Variants in DAAM1 observed in about 807,000 individuals in gnomAD.
The protein encoded by DAAM1 is dishevelled associated activator of morphogenesis 1, also known as disheveled-associated activator of morphogenesis 1.
A neutral mutation model predicts 130.0 loss-of-function variants in DAAM1; 52 were observed. That is an observed-to-expected ratio of 0.40 (90% CI 0.32 to 0.50). The LOEUF (loss-of-function observed/expected upper bound fraction) is 0.50. Ranked by LOEUF, DAAM1 falls within the 20% of genes least tolerant of loss-of-function variation. DAAM1 has a pLI of 0.61. For missense variants in DAAM1, 1,134 were observed against 1,303.8 expected, an observed-to-expected ratio of 0.87 and a Z score of 2.01; for synonymous variants, 452 against 444.5, an observed-to-expected ratio of 1.02 and a Z score of -0.21.
intron 4 of DAAM1, among the ~76,000 whole-genome samples, chr14:59,317,811 C>G (rs904889302): frequency 6.6e-6 from 1 of 152,162 alleles, no homozygotes; most frequent in Admixed American, 6.5e-5. Context: ...CCAAAGACTC[C>G]TTTCCAATTT....
In DAAM1 at chr14:59,366,824, G is replaced by A. The variant is rs73299927; in HGVS notation, c.2827-605G>A. On this transcript the variant is annotated intron_variant, in intron 23 of 24. Coordinates refer to ENST00000360909, the MANE Select transcript of DAAM1 (RefSeq NM_001270520.2). ...AGCTACTCGTGAGGCTTAAGAGGAAGGATTGCCCAGGAGTTTTTGGCTGTA... is the reference window on the plus strand; with the variant it reads ...AGCTACTCGTGAGGCTTAAGAGGAAAGATTGCCCAGGAGTTTTTGGCTGTA... Among the ~76,000 whole-genome samples the A allele has an allele frequency of 8.0e-3, 1,217 of 152,126 alleles. 13 individuals carry two copies. The highest frequency in any genetic ancestry group is 0.028 in the African/African-American group (1,173 of 41,494).
At chr14:59,358,987 C>A (rs1429062601) in intron 20 of DAAM1, among the ~76,000 whole-genome samples, 1 of 152,132 alleles carries the variant, frequency 6.6e-6, no homozygotes, top group Non-Finnish European at 1.5e-5. Flanking sequence ...TAGTTATAAA[C>A]CTGCAGGGCA....
intron 15 of DAAM1, chr14:59,338,281 A>C: frequency 8.7e-7 from 1 of 1,150,034 alleles, no homozygotes; most frequent in Non-Finnish European, 1.3e-6. Context: ...CTTACCCTAC[A>C]TCACTTGTTT....
rs566999344 is a variant in DAAM1, at chr14:59,343,244, T to C, written c.2075+3064T>C. Among the ~76,000 whole-genome samples the C allele has an allele frequency of 2.6e-5, 4 of 152,194 alleles. No individual in the cohort carries two copies. In the South Asian group the frequency reaches 8.3e-4, roughly 32 times the overall value. On this transcript the variant is annotated intron_variant, in intron 16 of 24. Coordinates refer to ENST00000360909, the MANE Select transcript of DAAM1 (RefSeq NM_001270520.2). ...GTGTTTGTTTAATAAGGTTTTTTAGTTTGGTCTTTTGGTTTCGCAGGACAG... is the reference window on the plus strand; with the variant it reads ...GTGTTTGTTTAATAAGGTTTTTTAGCTTGGTCTTTTGGTTTCGCAGGACAG...
chr14:59,196,795 G>GT (rs961814968), intron 1 of DAAM1, among the ~76,000 whole-genome samples: 1 of 152,048 alleles, frequency 6.6e-6, no homozygotes, highest in Non-Finnish European at 1.5e-5. Context: ...AAAACTAATT[G>GT]TAAGAAATTA....
chr14:59,321,811 A>G (rs1319565471), intron 5 of DAAM1, among the ~76,000 whole-genome samples: 2 of 152,214 alleles, frequency 1.3e-5, no homozygotes, highest in East Asian at 3.8e-4. Context: ...CTGTATCAGC[A>G]TTTCTCTCAA....
At chr14:59,284,422 T>A (rs1043351389) in intron 2 of DAAM1, among the ~76,000 whole-genome samples, 1 of 152,144 alleles carries the variant, frequency 6.6e-6, no homozygotes, top group Non-Finnish European at 1.5e-5. Context: ...GGGGGACTTT[T>A]AAAATATTCC....
intron 3 of DAAM1, among the ~76,000 whole-genome samples, chr14:59,314,056 C>T (rs1038572304): frequency 6.6e-6 from 1 of 152,196 alleles, no homozygotes; most frequent in Non-Finnish European, 1.5e-5. Context: ...TTCTTTTATT[C>T]CACCTGTGTA....
At chr14:59,208,243 A>G (rs570689338) in intron 1 of DAAM1, among the ~76,000 whole-genome samples, 1 of 152,324 alleles carries the variant, frequency 6.6e-6, no homozygotes, top group East Asian at 1.9e-4. Context: ...CTGTTGTCCA[A>G]GGGGACTCCC....
chr14:59,199,987 C>T (rs1337190222), intron 1 of DAAM1, among the ~76,000 whole-genome samples: 1 of 152,136 alleles, frequency 6.6e-6, no homozygotes, highest in Non-Finnish European at 1.5e-5. Context: ...TTGAACCAAG[C>T]CTGGATATTT....
intron 2 of DAAM1, among the ~76,000 whole-genome samples, chr14:59,287,752 C>G (rs1883525441): frequency 1.3e-5 from 2 of 152,014 alleles, no homozygotes; most frequent in African/African-American, 4.8e-5. Context: ...GAGAATTACA[C>G]TGCAGAAAGA....
At chr14:59,296,646 A>C (rs974067172) in intron 3 of DAAM1, among the ~76,000 whole-genome samples, 1 of 152,194 alleles carries the variant, frequency 6.6e-6, no homozygotes, top group Non-Finnish European at 1.5e-5. Context: ...TGAGACAACC[A>C]TTCTTTTACC....
chr14:59,338,244 T>C, intron 15 of DAAM1: 1 of 777,938 alleles, frequency 1.3e-6, no homozygotes, highest in East Asian at 2.7e-5. Flanking sequence ...CAACTCTCAT[T>C]GATGATCCCA....
chr14:59,353,213 G>C (rs985954305), intron 18 of DAAM1, among the ~76,000 whole-genome samples: 1 of 152,186 alleles, frequency 6.6e-6, no homozygotes, highest in African/African-American at 2.4e-5. Context: ...TGGCATATGA[G>C]CTAAGTCGAT....
chr14:59,339,964 G>C (rs1950933113), intron 15 of DAAM1, 110 bp from the exon 16 acceptor site: 1 of 845,518 alleles, frequency 1.2e-6, no homozygotes, highest in African/African-American at 1.7e-5. Context: ...TTGCCCATGT[G>C]TATACGAGTG....
chr14:59,279,554 A>G (rs955688931), intron 2 of DAAM1, among the ~76,000 whole-genome samples: 2 of 152,174 alleles, frequency 1.3e-5, no homozygotes, highest in Non-Finnish European at 2.9e-5. Flanking sequence ...TTTTGTAACT[A>G]AAGAAATACT....
chr14:59,204,944 G>C (rs1888216852), intron 1 of DAAM1, among the ~76,000 whole-genome samples: 2 of 152,210 alleles, frequency 1.3e-5, no homozygotes, highest in African/African-American at 4.8e-5. Context: ...GACTTCCTCT[G>C]TCTTCCTAAA....
At chr14:59,331,601 G>GATTTC in intron 14 of DAAM1, 93 bp downstream of exon 14, 2 of 1,510,628 alleles carry the variant, frequency 1.3e-6, no homozygotes, top group Non-Finnish European at 1.8e-6. Context: ...GCTGTTAAAT[G>GATTTC]ATTTCATTTT....
intron 3 of DAAM1, among the ~76,000 whole-genome samples, chr14:59,310,180 G>A (rs1164312985): frequency 3.3e-5 from 5 of 150,950 alleles, no homozygotes; most frequent in African/African-American, 9.8e-5. Flanking sequence ...GTGCGATCTC[G>A]GCTTACTGCA....
Sources: gnomAD v4.1 joint callset for allele counts (sites outside exome capture counted in the v4.1 genomes callset) on GRCh38, gnomAD v4.1.1 for gene constraint, MANE v1.5 for transcripts, NCBI Gene and HGNC (gene_info 2026-07-23, HGNC 2026-07-21) for gene names.